CFAP299: variants seen among roughly 807,000 people sequenced by gnomAD.
CFAP299 encodes cilia- and flagella-associated protein 299.
Under a neutral mutation model 27.0 loss-of-function variants are expected in CFAP299, and 21 were observed. That is an observed-to-expected ratio of 0.78 (90% CI 0.55 to 1.12). The LOEUF (loss-of-function observed/expected upper bound fraction) is 1.12. Ranked by LOEUF, CFAP299 falls within the 50% of genes most tolerant of loss-of-function variation. The pLI is 0.00. For synonymous variants in CFAP299, 104 were observed against 98.1 expected (o/e 1.06, Z -0.36); for missense variants, 310 against 276.6 (o/e 1.12, Z -0.86).
intron 2 of CFAP299, among the ~76,000 whole-genome samples, chr4:80,380,784 T>C (rs1456141139): frequency 6.6e-6 from 1 of 152,202 alleles, no homozygotes; most frequent in African/African-American, 2.4e-5. Context: ...CATTCAGTAA[T>C]CGTCTACAAT....
chr4:80,673,306 G>T (rs1475598588), intron 3 of CFAP299, among the ~76,000 whole-genome samples: 1 of 152,128 alleles, frequency 6.6e-6, no homozygotes, highest in Non-Finnish European at 1.5e-5. Flanking sequence ...CAGTTTCCAT[G>T]TAGTTGAGCG....
chr4:80,362,439 C>G (rs1723594854), intron 1 of CFAP299, among the ~76,000 whole-genome samples: 1 of 151,640 alleles, frequency 6.6e-6, no homozygotes, highest in Non-Finnish European at 1.5e-5. Context: ...TAATTACCTA[C>G]AGCTGTTCTC....
At chr4:80,960,339 T>C (rs1738284452) in intron 5 of CFAP299, among the ~76,000 whole-genome samples, 1 of 151,964 alleles carries the variant, frequency 6.6e-6, no homozygotes, top group Non-Finnish European at 1.5e-5. Context: ...ACCATTTTTA[T>C]ATTAATCCTC....
chr4:80,512,527 T>C (rs1184538815), intron 2 of CFAP299, among the ~76,000 whole-genome samples: 1 of 152,108 alleles, frequency 6.6e-6, no homozygotes, highest in Admixed American at 6.6e-5. Flanking sequence ...GCGAATAAGC[T>C]ATATAATAGG....
At chr4:80,680,765 A>T (rs1421252974) in intron 3 of CFAP299, among the ~76,000 whole-genome samples, 1 of 152,170 alleles carries the variant, frequency 6.6e-6, no homozygotes, top group Non-Finnish European at 1.5e-5. Context: ...GGAAAACCTA[A>T]TTGTGAAATC....
chr4:80,796,576 G>A (rs1727875252), intron 3 of CFAP299, among the ~76,000 whole-genome samples: 1 of 152,084 alleles, frequency 6.6e-6, no homozygotes, highest in Admixed American at 6.6e-5. Flanking sequence ...GACAGTAATG[G>A]AGAAAAGGCA....
At chr4:80,886,404 T>C (rs1321674482) in intron 4 of CFAP299, among the ~76,000 whole-genome samples, 1 of 152,170 alleles carries the variant, frequency 6.6e-6, no homozygotes, top group Non-Finnish European at 1.5e-5. Flanking sequence ...CAGTTCCACA[T>C]AGTGCGACAC....
At chr4:80,381,808 C>T (rs1026327337) in intron 2 of CFAP299, among the ~76,000 whole-genome samples, 4 of 152,120 alleles carry the variant, frequency 2.6e-5, no homozygotes, top group African/African-American at 9.7e-5. Context: ...GTCTCAACAT[C>T]CTTCATAGTT....
chr4:80,646,962 A>G (rs1740039005), intron 3 of CFAP299, among the ~76,000 whole-genome samples: 1 of 150,144 alleles, frequency 6.7e-6, no homozygotes, highest in Admixed American at 6.6e-5. Context: ...AGGTTTTCCA[A>G]TTCTTTGAGA....
chr4:80,556,540 A>T (rs1360041436), intron 2 of CFAP299, among the ~76,000 whole-genome samples: 1 of 152,028 alleles, frequency 6.6e-6, no homozygotes, highest in Non-Finnish European at 1.5e-5. Context: ...ACCATCTCAG[A>T]TTTGACAGTA....
chr4:80,800,231 TAAA>T (rs1728356961), intron 3 of CFAP299, among the ~76,000 whole-genome samples: 1 of 73,972 alleles, frequency 1.4e-5, no homozygotes, highest in African/African-American at 5.6e-5. Context: ...TAATATATAA[TAAA>T]TAATATAATA....
intron 3 of CFAP299, among the ~76,000 whole-genome samples, chr4:80,776,583 T>G (rs1248671475): frequency 6.6e-6 from 1 of 151,826 alleles, no homozygotes; most frequent in Non-Finnish European, 1.5e-5. Flanking sequence ...CCCGGGCCTG[T>G]CGGGGGATGA....
intron 4 of CFAP299, among the ~76,000 whole-genome samples, chr4:80,890,931 G>T (rs1455049971): frequency 6.7e-6 from 1 of 149,696 alleles, no homozygotes; most frequent in Non-Finnish European, 1.5e-5. Flanking sequence ...TTGTAAATTT[G>T]TTTGAGTTCA....
At chr4:80,348,288 T>C (rs1368327209) in intron 1 of CFAP299, among the ~76,000 whole-genome samples, 5 of 152,118 alleles carry the variant, frequency 3.3e-5, no homozygotes, top group Admixed American at 3.3e-4. Flanking sequence ...AAAGCAAAAA[T>C]TGACAAATGG....
At chr4:80,409,978 A>T (rs1209691137) in intron 2 of CFAP299, among the ~76,000 whole-genome samples, 1 of 152,230 alleles carries the variant, frequency 6.6e-6, no homozygotes, top group East Asian at 1.9e-4. Flanking sequence ...GAGAAGGTCC[A>T]GCGAAGATCA....
chr4:80,482,697 A>G (rs1700332317), intron 2 of CFAP299, among the ~76,000 whole-genome samples: 3 of 152,180 alleles, frequency 2.0e-5, no homozygotes, highest in Non-Finnish European at 4.4e-5. Flanking sequence ...TTACCTTTAT[A>G]CTAACAACAA....
At chr4:80,514,321 C>T (rs944750580) in intron 2 of CFAP299, among the ~76,000 whole-genome samples, 2 of 151,944 alleles carry the variant, frequency 1.3e-5, no homozygotes, top group African/African-American at 4.8e-5. Context: ...ATTAATCTTT[C>T]CAGATTTTAA....
At chr4:80,397,195 T>G (rs994090567) in intron 2 of CFAP299, among the ~76,000 whole-genome samples, 4 of 152,182 alleles carry the variant, frequency 2.6e-5, no homozygotes, top group African/African-American at 9.7e-5. Flanking sequence ...TATCTGATGG[T>G]AGTTTGTATT....
At chr4:80,516,017 CTTTTT>C (rs34249511) in intron 2 of CFAP299, among the ~76,000 whole-genome samples, 1 of 119,534 alleles carries the variant, frequency 8.4e-6, no homozygotes, top group African/African-American at 3.3e-5. Flanking sequence ...TTCTGCATTT[CTTTTT>C]TTTTTTTTTT....
Sources: allele counts gnomAD v4.1 joint callset (sites outside exome capture counted in the v4.1 genomes callset), GRCh38; gene constraint gnomAD v4.1.1; transcripts MANE v1.5; gene names NCBI Gene and HGNC (gene_info 2026-07-23, HGNC 2026-07-21).